GATAD2B: variants seen among roughly 807,000 people sequenced by gnomAD.
GATAD2B encodes GATA zinc finger domain containing 2B, also known as transcriptional repressor p66-beta.
A neutral mutation model predicts 64.3 loss-of-function variants in GATAD2B; 8 were observed. That is an observed-to-expected ratio of 0.12 (90% CI 0.07 to 0.22). The LOEUF is 0.22. Among genes scored for constraint, GATAD2B ranks in the 10% least tolerant of loss-of-function variants. The pLI, the probability that GATAD2B is intolerant of heterozygous loss-of-function variation, is 1.00. For synonymous variants in GATAD2B, 281 were observed against 271.3 expected (o/e 1.04, Z -0.35); for missense variants, 453 against 752.0 (o/e 0.60, Z 4.65).
At chr1:153,854,977 T>TCA (rs1388689001) in intron 1 of GATAD2B, among the ~76,000 whole-genome samples, 1 of 152,176 alleles carries the variant, frequency 6.6e-6, no homozygotes, top group East Asian at 1.9e-4. Context: ...GAGGTGGTGA[T>TCA]ACAGACTGTT....
In GATAD2B at chr1:153,806,860, A is replaced by G. The variant is rs948933298; in HGVS notation, c.*3317T>C. On this transcript the variant is annotated 3_prime_UTR_variant, in exon 11 of 11. Coordinates refer to ENST00000368655, the MANE Select transcript of GATAD2B (RefSeq NM_020699.4). ...GAAAAGGAACAAAAGTAAAATATCA[A>G]GAAGCATCTTTACAAAGCAGTTCTA... 1 of 152,512 alleles carries G rather than the reference A, an allele frequency of 6.6e-6. No individual in the cohort carries two copies. The highest frequency in any genetic ancestry group is 2.4e-5 in the African/African-American group (1 of 41,408). 9.4% of individuals were successfully genotyped at this position (152,512 alleles called of 1,614,324 possible).
intron 1 of GATAD2B, among the ~76,000 whole-genome samples, chr1:153,858,509 G>A (rs1676164807): frequency 6.6e-6 from 1 of 152,212 alleles, no homozygotes; most frequent in Admixed American, 6.5e-5. Flanking sequence ...GGAGGCTGAG[G>A]TGGGAGGATC....
intron 2 of GATAD2B, among the ~76,000 whole-genome samples, chr1:153,824,768 AAG>A (rs1054473532): frequency 3.3e-5 from 5 of 151,664 alleles, no homozygotes; most frequent in East Asian, 1.9e-4. Context: ...GAAAAAAAAA[AAG>A]AGTGTTAACA....
At position 153,898,317 on chromosome 1, in the gene GATAD2B, AAAAAAAG is replaced by A. The variant is rs1213502805; in HGVS notation, c.-2+24409_-2+24415del. Among the ~76,000 whole-genome samples, 60 of 150,334 alleles carry A rather than the reference AAAAAAAG, an allele frequency of 4.0e-4. 2 individuals are homozygous for A. Among genetic ancestry groups the A allele is most frequent in the South Asian group, 4.0e-3 (19 of 4,802 alleles). ...GTAACAGCCTGTCTCAAAAAAAAAA[AAAAAAAG>A]AAAAAAAGAAAAAAGAAAAACAAAA... On this transcript the variant is annotated intron_variant, in intron 1 of 10. Coordinates refer to ENST00000368655, the MANE Select transcript of GATAD2B (RefSeq NM_020699.4).
At position 153,817,375 on chromosome 1, in the gene GATAD2B, T is replaced by G. The variant is rs766975833; in HGVS notation, c.897A>C (p.Gln299His). 1 of 1,563,408 alleles carries G rather than the reference T, an allele frequency of 6.4e-7. No homozygotes were observed. Among genetic ancestry groups the G allele is most frequent in the East Asian group, 2.3e-5 (1 of 43,708 alleles). The stretch of plus-strand genomic sequence containing the variant: ...TTAGGGCTCAGCTCTCTCTTACCGG[T>G]TGATAATTGATGGCGGGATTCATGT... ...TPNMNPAINY[Q>H]PQSSSSVPCQ... Residue 299 changes from glutamine (Q) to histidine (H), a missense_variant, in exon 6 of 11, where the codon CAA becomes CAC. Gln to His is a conservative substitution (Grantham distance 24). Around this residue, in one of 2 missense-constraint regions of GATAD2B, gnomAD observed 293 missense variants for 417.2 expected, o/e 0.70. Coordinates refer to ENST00000368655, the MANE Select transcript of GATAD2B (RefSeq NM_020699.4).
intron 1 of GATAD2B, among the ~76,000 whole-genome samples, chr1:153,901,091 G>C (rs146424172): frequency 6.6e-6 from 1 of 151,412 alleles, no homozygotes; most frequent in African/African-American, 2.4e-5. Context: ...GCCTGTGCCT[G>C]TAATCCAAGC....
chr1:153,864,175 C>G (rs1163721120), intron 1 of GATAD2B, among the ~76,000 whole-genome samples: 3 of 152,122 alleles, frequency 2.0e-5, no homozygotes, highest in Admixed American at 2.0e-4. Context: ...GTAAGTGATA[C>G]ATTCATCACA....
At chr1:153,835,484 A>AC (rs1453156004) in intron 1 of GATAD2B, among the ~76,000 whole-genome samples, 1 of 152,088 alleles carries the variant, frequency 6.6e-6, no homozygotes, top group African/African-American at 2.4e-5. Context: ...AAAAAAAAAA[A>AC]AAATTGCCAG....
At position 153,859,845 on chromosome 1, in the gene GATAD2B, A is replaced by ATCTCCATT. The variant is rs1676216036; in HGVS notation, c.-1-31505_-1-31498dup. On this transcript the variant is annotated intron_variant, in intron 1 of 10. Transcript: ENST00000368655. The stretch of plus-strand genomic sequence containing the variant: ...GAGGGTAAATTATATGGTCATCCCT[A>ATCTCCATT]TCTCCATTCCTCCAGGCAATTTTTC... 4.1e-5 allele frequency among the ~76,000 whole-genome samples: 6 copies of ATCTCCATT among 146,844 alleles called. No homozygotes were observed. The Admixed American group carries it at 4.1e-4, about 10-fold the overall frequency.
intron 1 of GATAD2B, among the ~76,000 whole-genome samples, chr1:153,843,218 T>C (rs946441635): frequency 6.6e-6 from 1 of 151,798 alleles, no homozygotes; most frequent in Non-Finnish European, 1.5e-5. Context: ...CACTGTAACC[T>C]TGACCTCCTG....
At chr1:153,827,933 T>C (rs562796706) in intron 2 of GATAD2B, 80 bp downstream of exon 2, 2 of 952,106 alleles carry the variant, frequency 2.1e-6, no homozygotes, top group Admixed American at 4.4e-5. Context: ...AAAAACACCC[T>C]CCTCTCATTG....
At chr1:153,901,065 T>C (rs990319028) in intron 1 of GATAD2B, among the ~76,000 whole-genome samples, 1 of 152,058 alleles carries the variant, frequency 6.6e-6, no homozygotes. Context: ...AATACAAAAA[T>C]TAGCCAGGTG....
intron 6 of GATAD2B, 145 bp downstream of exon 6, chr1:153,817,227 G>T: frequency 1.5e-6 from 1 of 673,114 alleles, no homozygotes; most frequent in Non-Finnish European, 2.4e-6. Context: ...TTTTGGGACT[G>T]CTCTCAATTA....
intron 1 of GATAD2B, among the ~76,000 whole-genome samples, chr1:153,872,115 C>T (rs749954184): frequency 3.3e-5 from 5 of 151,714 alleles, no homozygotes; most frequent in Non-Finnish European, 7.4e-5. Flanking sequence ...GCCAAGAGTT[C>T]GAGACCAGCC....
chr1:153,896,182 A>T (rs1030647539), intron 1 of GATAD2B, among the ~76,000 whole-genome samples: 4 of 151,956 alleles, frequency 2.6e-5, no homozygotes, highest in Admixed American at 2.0e-4. Flanking sequence ...TTTAAAAAAA[A>T]TCCATCTAAC....
chr1:153,906,153 T>C (rs924201604), intron 1 of GATAD2B, among the ~76,000 whole-genome samples: 19 of 151,330 alleles, frequency 1.3e-4, no homozygotes, highest in Non-Finnish European at 2.1e-4. Flanking sequence ...CTCATACCTG[T>C]AGTCTCAGCA....
chr1:153,809,072 G>A lies in GATAD2B; in HGVS notation c.*1105C>T, dbSNP rs991901123. On this transcript the variant is annotated 3_prime_UTR_variant, in exon 11 of 11. Transcript: ENST00000368655. ...TGTTGGAAGAGAAATCCTTTCTTTC[G>A]TCTAAGTCTATTTCCTCCTGTTGTC... 6 of 152,144 alleles carry A rather than the reference G, an allele frequency of 3.9e-5. No individual in the cohort carries two copies. Among genetic ancestry groups the A allele is most frequent in the Admixed American group, 2.6e-4 (4 of 15,274 alleles). 9.4% of individuals were successfully genotyped at this position (152,144 alleles called of 1,614,324 possible).
chr1:153,813,978 A>AAAC (rs751687147), intron 7 of GATAD2B, among the ~76,000 whole-genome samples: 14 of 152,134 alleles, frequency 9.2e-5, no homozygotes, highest in African/African-American at 1.4e-4. Context: ...ACTCAGTCTC[A>AAAC]AACAACAACA....
chr1:153,902,211 G>A (rs1677800296), intron 1 of GATAD2B, among the ~76,000 whole-genome samples: 1 of 152,100 alleles, frequency 6.6e-6, no homozygotes, highest in Non-Finnish European at 1.5e-5. Flanking sequence ...AACCCAGGAG[G>A]CGGAGGTTGC....
Sources: allele counts gnomAD v4.1 joint callset (sites outside exome capture counted in the v4.1 genomes callset), GRCh38; gene constraint gnomAD v4.1.1; regional missense constraint gnomAD v4.1.1; transcripts MANE v1.5; gene names NCBI Gene and HGNC (gene_info 2026-07-23, HGNC 2026-07-21).